Variants in PPP4C observed in about 807,000 individuals in gnomAD.
The protein encoded by PPP4C is protein phosphatase 4 catalytic subunit.
A neutral mutation model predicts 40.5 loss-of-function variants in PPP4C; 10 were observed. That is an observed-to-expected ratio of 0.25 (90% CI 0.15 to 0.42). The LOEUF (loss-of-function observed/expected upper bound fraction) is 0.42, where lower values mean the gene tolerates loss of function less well. Among genes scored for constraint, PPP4C ranks in the 10% least tolerant of loss-of-function variants. PPP4C has a pLI of 1.00. For synonymous variants in PPP4C, 187 were observed against 163.6 expected (o/e 1.14, Z -1.09); for missense variants, 191 against 416.4 (o/e 0.46, Z 4.71).
Position 30,085,090 on chromosome 16 carries a change from C to T in PPP4C, c.*28C>T. On this transcript the variant is annotated 3_prime_UTR_variant, in exon 9 of 9. Transcript: ENST00000279387. The stretch of plus-strand genomic sequence containing the variant: ...CCGCCCGGCCCCTGCCCCCTCCAAC[C>T]CTTCTGGCCCTCGCACCACTGTGAC... 1.9e-6 allele frequency: 3 copies of T among 1,608,950 alleles called. No individual in the cohort carries two copies. Among genetic ancestry groups the T allele is most frequent in the African/African-American group, 2.7e-5 (2 of 74,970 alleles).
At chr16:30,078,422 TGA>T (rs1244425626) in intron 2 of PPP4C, among the ~76,000 whole-genome samples, 9 of 152,162 alleles carry the variant, frequency 5.9e-5, no homozygotes, top group Admixed American at 5.9e-4. Flanking sequence ...ATGTGGGGTG[TGA>T]GGCAGCAGGA....
At position 30,082,820 on chromosome 16, in the gene PPP4C, A is replaced by G; in HGVS notation, c.276A>G (p.Glu92=). 6.2e-7 allele frequency: 1 copy of G among 1,613,964 alleles called. No individual in the cohort carries two copies. Among genetic ancestry groups the G allele is most frequent in the Non-Finnish European group, 8.5e-7 (1 of 1,179,972 alleles). ...TGGACCGTGGCTTCTATAGCGTCGAAACGTTCCTCCTGCTGCTGGCACTTA... is the reference window on the plus strand; with the variant it reads ...TGGACCGTGGCTTCTATAGCGTCGAGACGTTCCTCCTGCTGCTGGCACTTA... The part of the protein sequence containing the change: ...DFVDRGFYSV[E]TFLLLLALKV... Residue 92 remains glutamate, a synonymous_variant, in exon 5 of 9, where the codon GAA becomes GAG. Coordinates refer to ENST00000279387, the MANE Select transcript of PPP4C (RefSeq NM_002720.3).
Position 30,083,364 on chromosome 16 carries a change from C to T in PPP4C, c.304-30C>T, listed in dbSNP as rs867759333. On this transcript the variant is annotated intron_variant, in intron 5 of 8. Coordinates refer to ENST00000279387, the MANE Select transcript of PPP4C (RefSeq NM_002720.3). The surrounding 1 kb of genome is among the most constrained non-coding windows in gnomAD (Gnocchi z 6.3). ...GGGATGTGTGGAGAGACCGTCTAGG[C>T]GCCAGCCCTGGCTTGGTGGCCACCC... is the stretch of plus-strand genomic sequence containing the variant. 2.4e-5 allele frequency: 38 copies of T among 1,595,686 alleles called. No homozygotes were observed. The highest frequency in any genetic ancestry group is 1.8e-4 in the Middle Eastern group (1 of 5,548).
chr16:30,083,498 G>T lies in PPP4C; in HGVS notation c.408G>T (p.Ser136=). ...FYDECLRKYG[S]VTVWRYCTEI... ...ATGAGTGCCTGCGCAAGTACGGCTCGGTGACTGTGTGGCGCTACTGCACTG... is the reference window on the plus strand; with the variant it reads ...ATGAGTGCCTGCGCAAGTACGGCTCTGTGACTGTGTGGCGCTACTGCACTG... Residue 136 remains serine, a synonymous_variant, in exon 6 of 9, where the codon TCG becomes TCT. Coordinates refer to ENST00000279387, the MANE Select transcript of PPP4C (RefSeq NM_002720.3). The surrounding 1 kb of genome is among the most constrained non-coding windows in gnomAD (Gnocchi z 6.3). 1 of 1,613,592 alleles carries T rather than the reference G, an allele frequency of 6.2e-7. No homozygotes were observed. Among genetic ancestry groups the T allele is most frequent in the South Asian group, 1.1e-5 (1 of 91,072 alleles).
chr16:30,084,285 A>ACAGACACACACATG (rs1335524568), intron 7 of PPP4C, among the ~76,000 whole-genome samples: 1 of 152,036 alleles, frequency 6.6e-6, no homozygotes, highest in Non-Finnish European at 1.5e-5. Flanking sequence ...CCACACACAT[A>ACAGACACACACATG]CAGACACACA....
At chr16:30,081,133 G>T in intron 2 of PPP4C, 126 bp from the exon 3 acceptor site, 1 of 1,347,754 alleles carries the variant, frequency 7.4e-7, no homozygotes, top group Non-Finnish European at 1.0e-6. Context: ...TGGGGAGACT[G>T]TACGCTTCAC....
Position 30,085,254 on chromosome 16 carries a change from C to G in PPP4C, c.*192C>G. The G allele has an allele frequency of 4.3e-6, 2 of 461,450 alleles. No individual in the cohort carries two copies. The highest frequency in any genetic ancestry group is 7.5e-6 in the Non-Finnish European group (2 of 268,134). The allele number at this position is 461,450 out of a possible 1,614,324, so 28.6% of individuals were successfully genotyped here. ...GCTCCATGTTCCTCCTCCTCTCTCC[C>G]CACTTGAACCATGAAGTTTCCAATA... is the stretch of plus-strand genomic sequence containing the variant. On this transcript the variant is annotated 3_prime_UTR_variant, in exon 9 of 9. Transcript: ENST00000279387.
chr16:30,084,542 T>C lies in PPP4C; in HGVS notation c.605-124T>C, dbSNP rs1349715003. 10 of 830,390 alleles carry C rather than the reference T, an allele frequency of 1.2e-5. No individual in the cohort carries two copies. In the East Asian group the frequency reaches 1.2e-4, roughly 10 times the overall value. The allele number at this position is 830,390 out of a possible 1,614,324, so 51.4% of individuals were successfully genotyped here. On this transcript the variant is annotated intron_variant, in intron 7 of 8. Transcript: ENST00000279387. ...TCCCACAGACCATATTCAGGCCCCA[T>C]GCTCTGGTCCCACGGGCCTCTGGTG...
At chr16:30,079,955 C>T (rs1344294895) in intron 2 of PPP4C, among the ~76,000 whole-genome samples, 2 of 152,162 alleles carry the variant, frequency 1.3e-5, no homozygotes, top group African/African-American at 2.4e-5. Context: ...TACCTGCCTG[C>T]CAAGCTCTTA....
At chr16:30,078,774 T>C (rs1214617747) in intron 2 of PPP4C, among the ~76,000 whole-genome samples, 1 of 152,268 alleles carries the variant, frequency 6.6e-6, no homozygotes, top group African/African-American at 2.4e-5. Context: ...GTATGAATCT[T>C]TGCCTTGTCA....
At position 30,076,489 on chromosome 16, in the gene PPP4C, C is replaced by G. The variant is rs370179135; in HGVS notation, c.98+14C>G. ...CGCTAAGGCCAGGTGAGCTCGTTGG[C>G]CCTGGGGAAGGGAGGCCAAGCCGCC... On this transcript the variant is annotated intron_variant, in intron 2 of 8. Coordinates refer to ENST00000279387, the MANE Select transcript of PPP4C (RefSeq NM_002720.3). 1.3e-4 allele frequency: 206 copies of G among 1,599,858 alleles called. No homozygotes were observed. Among genetic ancestry groups the G allele is most frequent in the Non-Finnish European group, 1.7e-4 (204 of 1,172,958 alleles).
At chr16:30,076,581 TC>T in intron 2 of PPP4C, 106 bp downstream of exon 2, 1 of 1,174,548 alleles carries the variant, frequency 8.5e-7, no homozygotes, top group Non-Finnish European at 1.2e-6. Flanking sequence ...CTGGAAGCTT[TC>T]CCAGAGAGGA....
At chr16:30,084,285 ACAGACACACACATG>A (rs1335524568) in intron 7 of PPP4C, among the ~76,000 whole-genome samples, 11 of 152,036 alleles carry the variant, frequency 7.2e-5, no homozygotes, top group East Asian at 3.9e-4. Context: ...CCACACACAT[ACAGACACACACATG>A]CAGACACACA....
intron 1 of PPP4C, 34 bp downstream of exon 1, chr16:30,076,128 T>C (rs1567331014): frequency 1.8e-6 from 1 of 558,218 alleles, no homozygotes; most frequent in Non-Finnish European, 3.2e-6. Context: ...GTCACCGTCC[T>C]TAGCGCGGGA....
chr16:30,084,730 C>T lies in PPP4C; in HGVS notation c.669C>T (p.Ala223=). ...AGYLFGSDVV[A]QFNAANDIDM... ...ACCTATTTGGCAGTGACGTGGTGGC[C>T]CAGTTCAACGCAGCCAATGACATTG... Residue 223 remains alanine (A), a synonymous_variant, in exon 8 of 9, where the codon GCC becomes GCT. Transcript: ENST00000279387. The T allele has an allele frequency of 6.2e-7, 1 of 1,614,240 alleles. No individual in the cohort carries two copies. The highest frequency in any genetic ancestry group is 1.1e-5 in the South Asian group (1 of 91,086).
intron 2 of PPP4C, among the ~76,000 whole-genome samples, chr16:30,080,574 T>G (rs2072486550): frequency 6.6e-6 from 1 of 150,734 alleles, no homozygotes; most frequent in Non-Finnish European, 1.5e-5. Flanking sequence ...TGGCGCGATC[T>G]TAGCTCACTG....
rs375588036 is a variant in PPP4C at position 30,081,241 on chromosome 16, G to A, written c.99-18G>A. ...GGCTGGCCTGGCTGTGGTGACCCTG[G>A]TCTTCTCCTGTCTCCAGAGAGATCT... On this transcript the variant is annotated intron_variant, in intron 2 of 8. Transcript: ENST00000279387. 6.2e-7 allele frequency: 1 copy of A among 1,613,506 alleles called. No individual in the cohort carries two copies. Among genetic ancestry groups the A allele is most frequent in the Non-Finnish European group, 8.5e-7 (1 of 1,179,772 alleles).
chr16:30,085,154 G>C lies in PPP4C; in HGVS notation c.*92G>C, dbSNP rs570168755. ...TCAGACGGAGGCTGGGCGTGGGGGG[G>C]GCTGTCCTGGCTCTGCTGTCCCCCA... is the stretch of plus-strand genomic sequence containing the variant. On this transcript the variant is annotated 3_prime_UTR_variant, in exon 9 of 9. Coordinates refer to ENST00000279387, the MANE Select transcript of PPP4C (RefSeq NM_002720.3). The C allele has an allele frequency of 1.5e-5, 23 of 1,494,228 alleles. No individual in the cohort carries two copies. Among genetic ancestry groups the C allele is most frequent in the Admixed American group, 5.3e-5 (3 of 56,542 alleles). 92.6% of individuals were successfully genotyped at this position (1,494,228 alleles called of 1,614,324 possible).
intron 4 of PPP4C, 32 bp downstream of exon 4, chr16:30,082,566 C>T (rs765841189): frequency 6.6e-5 from 105 of 1,602,844 alleles, no homozygotes; most frequent in Non-Finnish European, 7.9e-5. Context: ...TGAAATGTAA[C>T]GGGGGGATGA....
Sources: gnomAD v4.1 joint callset for allele counts (sites outside exome capture counted in the v4.1 genomes callset) on GRCh38, gnomAD v4.1.1 for gene constraint, Gnocchi (gnomAD v3.1) non-coding constraint, MANE v1.5 for transcripts, NCBI Gene and HGNC (gene_info 2026-07-23, HGNC 2026-07-21) for gene names.